Variants in ACADM observed in about 807,000 individuals in gnomAD.
ACADM encodes medium-chain specific acyl-CoA dehydrogenase, mitochondrial.
Under a neutral mutation model 58.9 loss-of-function variants are expected in ACADM, and 49 were observed. The observed-to-expected ratio is 0.83, with a 90% CI of 0.66 to 1.06. The LOEUF (loss-of-function observed/expected upper bound fraction) is 1.06, where lower values mean the gene tolerates loss of function less well. Among genes scored for constraint, ACADM ranks in the 50% least tolerant of loss-of-function variants. ACADM has a pLI of 0.00. For missense variants in ACADM, 496 were observed against 507.0 expected (o/e 0.98, Z 0.21); for synonymous variants, 160 against 157.7 (o/e 1.01, Z -0.11).
chr1:75,733,641 GA>G lies in ACADM; in HGVS notation c.387+17del. On this transcript the variant is annotated intron_variant, in intron 5 of 11. Coordinates refer to ENST00000370841, the MANE Select transcript of ACADM (RefSeq NM_000016.6). ...AAATTCTTTGGGGGTAAGTGACTTAGAAAATTAACTACCTAACTCAGCTCTT... is the reference window on the plus strand; with the variant it reads ...AAATTCTTTGGGGGTAAGTGACTTAGAAATTAACTACCTAACTCAGCTCTT... 3 of 1,584,588 alleles carry G rather than the reference GA, an allele frequency of 1.9e-6. No individual in the cohort carries two copies. Among genetic ancestry groups the G allele is most frequent in the Non-Finnish European group, 2.6e-6 (3 of 1,153,430 alleles).
chr1:75,740,841 T>C (rs1238092466), intron 7 of ACADM, among the ~76,000 whole-genome samples: 1 of 152,168 alleles, frequency 6.6e-6, no homozygotes, highest in Non-Finnish European at 1.5e-5. Context: ...AAAACTTGAC[T>C]AAATCTAGAA....
At chr1:75,724,923 C>T (rs1056022699) in intron 1 of ACADM, 106 bp downstream of exon 1, 1 of 1,219,202 alleles carries the variant, frequency 8.2e-7, no homozygotes, top group Non-Finnish European at 1.1e-6. Flanking sequence ...AGTGGGAAGT[C>T]GGGCTGAGGA....
chr1:75,753,910 C>T (rs1469489426), intron 10 of ACADM, among the ~76,000 whole-genome samples: 8 of 147,322 alleles, frequency 5.4e-5, no homozygotes, highest in African/African-American at 2.0e-4. Flanking sequence ...ATCCTCCTAC[C>T]TTAGCCTCCT....
Position 75,733,137 on chromosome 1 carries a change from C to G in ACADM, c.286+215C>G, listed in dbSNP as rs753412421. Reference sequence around the variant, plus strand: ...TCTAACTGGTTCCAACCTTAACTTGCACCTAAACCTTGGTAACTTCCGTTT... The same window carrying G: ...TCTAACTGGTTCCAACCTTAACTTGGACCTAAACCTTGGTAACTTCCGTTT... On this transcript the variant is annotated intron_variant, in intron 4 of 11. Coordinates refer to ENST00000370841, the MANE Select transcript of ACADM (RefSeq NM_000016.6). The G allele has an allele frequency of 1.9e-6, 3 of 1,612,812 alleles. No individual in the cohort carries two copies. The South Asian group carries it at 3.3e-5, about 18-fold the overall frequency.
intron 11 of ACADM, among the ~76,000 whole-genome samples, chr1:75,762,150 T>A (rs903693687): frequency 2.6e-5 from 4 of 152,188 alleles, no homozygotes; most frequent in Admixed American, 6.5e-5. Context: ...ACTATTATTA[T>A]CATCAACAGT....
chr1:75,734,420 C>T (rs1647205503), intron 5 of ACADM, among the ~76,000 whole-genome samples: 1 of 151,862 alleles, frequency 6.6e-6, no homozygotes, highest in Admixed American at 6.6e-5. Context: ...CGTAATCCGC[C>T]CACCTCGGCC....
intron 10 of ACADM, among the ~76,000 whole-genome samples, chr1:75,752,172 A>G (rs1767459): frequency 0.92 from 140,484 of 151,904 alleles, 65,182 homozygotes; most frequent in African/African-American, 0.97. Flanking sequence ...TGTAGAGATG[A>G]GGTCTCACTA....
chr1:75,734,886 C>T lies in ACADM; in HGVS notation c.468+15C>T. 2 of 1,590,896 alleles carry T rather than the reference C, an allele frequency of 1.3e-6. No individual in the cohort carries two copies. The highest frequency in any genetic ancestry group is 1.7e-6 in the Non-Finnish European group (2 of 1,159,124). ...CATTGATGTGTGTGAGTATGTGTAACTGCCGCTTTATTTCACACTTAAGAA... is the reference window on the plus strand; with the variant it reads ...CATTGATGTGTGTGAGTATGTGTAATTGCCGCTTTATTTCACACTTAAGAA... On this transcript the variant is annotated intron_variant, in intron 6 of 11. Transcript: ENST00000370841.
intron 1 of ACADM, among the ~76,000 whole-genome samples, chr1:75,726,800 CTTTTTTTTTTTT>C (rs748703972): frequency 8.3e-6 from 1 of 119,844 alleles, no homozygotes; most frequent in Admixed American, 9.2e-5. Context: ...AACTGTTTCA[CTTTTTTTTTTTT>C]TTTTTTTTTT....
chr1:75,732,751 T>G lies in ACADM; in HGVS notation c.216+10T>G, dbSNP rs2275378. 1 of 1,610,888 alleles carries G rather than the reference T, an allele frequency of 6.2e-7. No individual in the cohort carries two copies. Among genetic ancestry groups the G allele is most frequent in the Non-Finnish European group, 8.5e-7 (1 of 1,177,222 alleles). ...TGATAAAACTGGTGAAGTAGGTATATACATTTTAAAGAGGGAAAAATCTTT... is the reference window on the plus strand; with the variant it reads ...TGATAAAACTGGTGAAGTAGGTATAGACATTTTAAAGAGGGAAAAATCTTT... On this transcript the variant is annotated intron_variant, in intron 3 of 11. Coordinates refer to ENST00000370841, the MANE Select transcript of ACADM (RefSeq NM_000016.6).
intron 10 of ACADM, chr1:75,750,776 T>A: frequency 1.0e-5 from 5 of 496,584 alleles, no homozygotes; most frequent in East Asian, 3.7e-5. Context: ...TGAGATGGAG[T>A]CTCGCTCTGT....
chr1:75,763,581 C>T lies in ACADM; in HGVS notation c.*818C>T, dbSNP rs1055505930. The stretch of plus-strand genomic sequence containing the variant: ...TGTATTTACTATGATGAAAAAAGGT[C>T]GTTTTAATTTTGAATTGAATAAAGT... On this transcript the variant is annotated 3_prime_UTR_variant, in exon 12 of 12. Transcript: ENST00000370841. The T allele has an allele frequency of 6.6e-6, 1 of 151,780 alleles. No homozygotes were observed. Among genetic ancestry groups the T allele is most frequent in the Non-Finnish European group, 1.5e-5 (1 of 67,978 alleles). 9.4% of individuals were successfully genotyped at this position (151,780 alleles called of 1,614,324 possible). A position where few individuals can be genotyped will look rare whatever the true frequency, so the allele number is the denominator to read the frequency against.
chr1:75,755,633 G>A (rs923080941), intron 10 of ACADM, among the ~76,000 whole-genome samples: 2 of 152,148 alleles, frequency 1.3e-5, no homozygotes, highest in Non-Finnish European at 2.9e-5. Flanking sequence ...AAGACCAAAG[G>A]TAGATAAACC....
chr1:75,726,000 T>C (rs893398358), intron 1 of ACADM, among the ~76,000 whole-genome samples: 3 of 152,244 alleles, frequency 2.0e-5, no homozygotes, highest in African/African-American at 7.2e-5. Flanking sequence ...AACTTTGTTA[T>C]GTAATTAACA....
rs532401430 is a variant in ACADM, at chr1:75,741,747, T to A, written c.599+1637T>A. ...TATAGAATGAGTGGTAATGTATTGG[T>A]TTTAACCAAAGAAAATAAGTTTGTG... On this transcript the variant is annotated intron_variant, in intron 7 of 11. Transcript: ENST00000370841. 7.9e-5 allele frequency among the ~76,000 whole-genome samples: 12 copies of A among 152,358 alleles called. No individual in the cohort carries two copies. In the East Asian group the frequency reaches 2.3e-3, roughly 29 times the overall value.
At chr1:75,738,044 G>A (rs2100383544) in intron 6 of ACADM, among the ~76,000 whole-genome samples, 1 of 152,078 alleles carries the variant, frequency 6.6e-6, no homozygotes, top group South Asian at 2.1e-4. Flanking sequence ...AGCCTCCCAA[G>A]CAGCTGGGAC....
intron 7 of ACADM, among the ~76,000 whole-genome samples, chr1:75,740,734 AG>A (rs1477024792): frequency 2.6e-5 from 4 of 152,238 alleles, no homozygotes; most frequent in African/African-American, 9.6e-5. Context: ...GCCTTTAAAA[AG>A]CCAATGTAAT....
intron 10 of ACADM, among the ~76,000 whole-genome samples, chr1:75,751,390 G>A (rs1013893179): frequency 1.3e-5 from 2 of 151,640 alleles, no homozygotes; most frequent in African/African-American, 4.8e-5. Flanking sequence ...ACCCTTTTTT[G>A]GGTGGTGTTA....
intron 8 of ACADM, among the ~76,000 whole-genome samples, chr1:75,747,801 TTG>T (rs1373421995): frequency 1.3e-5 from 2 of 152,192 alleles, no homozygotes; most frequent in African/African-American, 4.8e-5. Context: ...TTCAAATCTT[TTG>T]TGTTTTAGAA....
Sources: gnomAD v4.1 joint callset for allele counts (sites outside exome capture counted in the v4.1 genomes callset) on GRCh38, gnomAD v4.1.1 for gene constraint, MANE v1.5 for transcripts, NCBI Gene and HGNC (gene_info 2026-07-23, HGNC 2026-07-21) for gene names.